The following MALT1 variants were observed in gnomAD, a reference collection of about 807,000 sequenced individuals.
The protein encoded by MALT1 is MALT1 paracaspase.
MALT1 carries 36 observed loss-of-function variants against 85.5 expected under a neutral mutation model. The observed-to-expected ratio is 0.42, with a 90% CI of 0.32 to 0.56. MALT1 has a LOEUF of 0.56. Among genes scored for constraint, MALT1 ranks in the 20% least tolerant of loss-of-function variants. MALT1 has a pLI of 0.10. For missense variants in MALT1, 716 were observed against 981.6 expected (o/e 0.73, Z 3.62); for synonymous variants, 359 against 361.3 (o/e 0.99, Z 0.07).
chr18:58,717,508 C>G (rs2054919795), intron 9 of MALT1, among the ~76,000 whole-genome samples: 1 of 152,096 alleles, frequency 6.6e-6, no homozygotes, highest in Non-Finnish European at 1.5e-5. Flanking sequence ...GAGAGTCCAA[C>G]TAAGACTTTT....
chr18:58,751,755 C>T lies in MALT1; in HGVS notation c.*3913C>T, dbSNP rs1458069139. On this transcript the variant is annotated 3_prime_UTR_variant, in exon 17 of 17. Transcript: ENST00000649217. ...GAGGTTTGAGCAAGTAAAGGCTCAC[C>T]CAAATTCAAAGCCAATACTTGATGC... 6.6e-6 allele frequency: 1 copy of T among 152,002 alleles called. No homozygotes were observed. Among genetic ancestry groups the T allele is most frequent in the African/African-American group, 2.4e-5 (1 of 41,370 alleles). The allele number at this position is 152,002 out of a possible 1,614,324, so 9.4% of individuals were successfully genotyped here.
chr18:58,717,341 A>C (rs1297907363), intron 9 of MALT1, among the ~76,000 whole-genome samples: 1 of 151,224 alleles, frequency 6.6e-6, no homozygotes, highest in African/African-American at 2.4e-5. Context: ...TCAGCTGGGC[A>C]ACGAGAGTGA....
intron 14 of MALT1, 98 bp downstream of exon 14, chr18:58,742,112 G>T: frequency 9.2e-7 from 1 of 1,083,952 alleles, no homozygotes. Context: ...GTTTTACAGT[G>T]AAAATATTTT....
At chr18:58,746,729 G>GTTTT (rs79360243) in intron 16 of MALT1, among the ~76,000 whole-genome samples, 1 of 146,700 alleles carries the variant, frequency 6.8e-6, no homozygotes, top group Non-Finnish European at 1.5e-5. Flanking sequence ...ATAAAACCAG[G>GTTTT]TTTTTTTTTT....
At chr18:58,728,318 G>A (rs537099619) in intron 10 of MALT1, among the ~76,000 whole-genome samples, 35 of 152,266 alleles carry the variant, frequency 2.3e-4, no homozygotes, top group African/African-American at 3.1e-4. Context: ...CAACAACAAC[G>A]ATTTGGGCCA....
At chr18:58,687,252 A>C (rs1482686391) in intron 2 of MALT1, among the ~76,000 whole-genome samples, 2 of 152,220 alleles carry the variant, frequency 1.3e-5, no homozygotes, top group Admixed American at 1.3e-4. Flanking sequence ...ATAAGGAATA[A>C]GTAGAGGGAG....
intron 3 of MALT1, 39 bp downstream of exon 3, chr18:58,696,526 A>G: frequency 7.1e-7 from 1 of 1,410,532 alleles, no homozygotes; most frequent in Non-Finnish European, 9.7e-7. Flanking sequence ...TTCCAAGGAG[A>G]GAGAATGATA....
intron 11 of MALT1, 133 bp downstream of exon 11, chr18:58,733,707 A>C: frequency 1.2e-6 from 1 of 800,220 alleles, no homozygotes; most frequent in Non-Finnish European, 1.9e-6. Context: ...TGGAAGAACA[A>C]AACTAGAGGA....
intron 9 of MALT1, among the ~76,000 whole-genome samples, chr18:58,721,817 T>C (rs1349221833): frequency 6.6e-6 from 1 of 152,210 alleles, no homozygotes; most frequent in East Asian, 1.9e-4. Context: ...AAGAGTAGTA[T>C]TCATAATAAC....
intron 1 of MALT1, 101 bp downstream of exon 1, chr18:58,671,953 C>T: frequency 1.2e-6 from 1 of 830,002 alleles, no homozygotes; most frequent in Non-Finnish European, 1.6e-6. Context: ...CGGCGGGGGC[C>T]GCCGGCGTGA....
chr18:58,748,092 A>G lies in MALT1; in HGVS notation c.*250A>G, dbSNP rs1322079229. The G allele has an allele frequency of 1.3e-5, 6 of 463,786 alleles. No homozygotes were observed. The highest frequency in any genetic ancestry group is 2.3e-5 in the Non-Finnish European group (6 of 256,454). The allele number at this position is 463,786 out of a possible 1,614,324, so 28.7% of individuals were successfully genotyped here. On this transcript the variant is annotated 3_prime_UTR_variant, in exon 17 of 17. Transcript: ENST00000649217. Reference sequence around the variant, plus strand: ...ATGAAGTATGGAGGTGTGTATGTTTATATGTATATAACAAAATATTTTCAT... The same window carrying G: ...ATGAAGTATGGAGGTGTGTATGTTTGTATGTATATAACAAAATATTTTCAT...
At chr18:58,678,061 CTG>C (rs2054266797) in intron 1 of MALT1, among the ~76,000 whole-genome samples, 1 of 152,176 alleles carries the variant, frequency 6.6e-6, no homozygotes, top group African/African-American at 2.4e-5. Flanking sequence ...TTGCCAAGCA[CTG>C]TGTTAAGCAC....
intron 12 of MALT1, among the ~76,000 whole-genome samples, chr18:58,734,788 T>C (rs1032574306): frequency 6.6e-6 from 1 of 152,214 alleles, no homozygotes; most frequent in Non-Finnish European, 1.5e-5. Context: ...ATCAATGTCA[T>C]GTGAGAGGCA....
intron 2 of MALT1, among the ~76,000 whole-genome samples, chr18:58,693,257 C>CA (rs1266238083): frequency 4.0e-5 from 6 of 151,868 alleles, no homozygotes; most frequent in Admixed American, 1.3e-4. Flanking sequence ...CCCGTCTTTG[C>CA]AAAAAATACA....
chr18:58,723,311 T>G, intron 10 of MALT1, 60 bp downstream of exon 10: 1 of 1,317,546 alleles, frequency 7.6e-7, no homozygotes, highest in Non-Finnish European at 1.1e-6. Context: ...TTATACAAGT[T>G]AGGTTAAGAA....
chr18:58,721,684 A>G (rs2054985561), intron 9 of MALT1, among the ~76,000 whole-genome samples: 1 of 152,200 alleles, frequency 6.6e-6, no homozygotes, highest in African/African-American at 2.4e-5. Context: ...CCATGGAAAG[A>G]AAAGCAATTT....
In MALT1 at chr18:58,733,126, G is replaced by C. The variant is rs143867577; in HGVS notation, c.1223-271G>C. ...GGGTTTCACCACGTTGGCCAGGCTGGTTTCGAACCCCTGACCTCAAGTGAT... is the reference window on the plus strand; with the variant it reads ...GGGTTTCACCACGTTGGCCAGGCTGCTTTCGAACCCCTGACCTCAAGTGAT... On this transcript the variant is annotated intron_variant, in intron 10 of 16. Transcript: ENST00000649217. 7.2e-3 allele frequency among the ~76,000 whole-genome samples: 1,089 copies of C among 152,220 alleles called. 15 individuals carry two copies. The highest frequency in any genetic ancestry group is 0.025 in the African/African-American group (1,038 of 41,508).
At chr18:58,699,393 G>T (rs1039172805) in intron 3 of MALT1, among the ~76,000 whole-genome samples, 1 of 152,178 alleles carries the variant, frequency 6.6e-6, no homozygotes, top group African/African-American at 2.4e-5. Context: ...TGTCATCCCA[G>T]TTGTCACATC....
intron 6 of MALT1, 150 bp from the exon 7 acceptor site, chr18:58,710,771 T>G (rs1266285070): frequency 7.0e-6 from 4 of 569,488 alleles, no homozygotes; most frequent in Non-Finnish European, 1.2e-5. Flanking sequence ...CTTAATATAT[T>G]TATAGTTATA....
Sources: allele counts gnomAD v4.1 joint callset (sites outside exome capture counted in the v4.1 genomes callset), GRCh38; gene constraint gnomAD v4.1.1; transcripts MANE v1.5; gene names NCBI Gene and HGNC (gene_info 2026-07-23, HGNC 2026-07-21).